FCHSD2: variants seen among roughly 807,000 people sequenced by gnomAD.
FCHSD2 encodes FCH and double SH3 domains 2.
Under a neutral mutation model 108.1 loss-of-function variants are expected in FCHSD2, and 38 were observed. The ratio of observed to expected loss-of-function variants is 0.35; its 90% CI spans 0.27 to 0.46. The LOEUF (loss-of-function observed/expected upper bound fraction) is 0.46. Ranked by LOEUF, FCHSD2 falls within the 20% of genes least tolerant of loss-of-function variation. FCHSD2 has a pLI of 1.00. For missense variants in FCHSD2, 751 were observed against 897.8 expected (o/e 0.84, Z 2.09); for synonymous variants, 279 against 314.7 (o/e 0.89, Z 1.20).
intron 9 of FCHSD2, among the ~76,000 whole-genome samples, chr11:72,904,320 C>T (rs991944263): frequency 6.6e-6 from 1 of 152,190 alleles, no homozygotes; most frequent in African/African-American, 2.4e-5. Context: ...TCTCTAGTTG[C>T]CAAACTTGTC....
In FCHSD2 at chr11:72,839,003, C is replaced by G. The variant is rs145036173; in HGVS notation, c.2140-129G>C. Reference sequence around the variant, plus strand: ...AGGGGTCTCAGAAATGTTGTGAGCACGTGCTTTCAACCTAGTCTTCACTAT... The same window carrying G: ...AGGGGTCTCAGAAATGTTGTGAGCAGGTGCTTTCAACCTAGTCTTCACTAT... On this transcript the variant is annotated intron_variant, in intron 19 of 19. Coordinates refer to ENST00000409418, the MANE Select transcript of FCHSD2 (RefSeq NM_014824.3). 2,323 of 716,894 alleles carry G rather than the reference C, an allele frequency of 3.2e-3. 5 individuals are homozygous for G. Among genetic ancestry groups the G allele is most frequent in the Non-Finnish European group, 4.5e-3 (1,877 of 418,216 alleles). 44.4% of individuals were successfully genotyped at this position (716,894 alleles called of 1,614,324 possible).
chr11:73,010,917 G>A (rs1857848333), intron 4 of FCHSD2, among the ~76,000 whole-genome samples: 1 of 152,190 alleles, frequency 6.6e-6, no homozygotes, highest in African/African-American at 2.4e-5. Flanking sequence ...AAACAGCAGT[G>A]GCAGTGATGG....
chr11:72,993,452 A>G (rs1159910358), intron 5 of FCHSD2, among the ~76,000 whole-genome samples: 2 of 152,226 alleles, frequency 1.3e-5, no homozygotes, highest in Non-Finnish European at 2.9e-5. Flanking sequence ...ATAGAGACAC[A>G]TGCACACATA....
chr11:72,855,071 C>G (rs910631342), intron 13 of FCHSD2, among the ~76,000 whole-genome samples: 3 of 152,146 alleles, frequency 2.0e-5, no homozygotes, highest in Non-Finnish European at 4.4e-5. Context: ...GTCGGGAGTT[C>G]GAAACCAGTC....
At chr11:72,843,045 G>T in intron 16 of FCHSD2, 106 bp downstream of exon 16, 1 of 1,116,040 alleles carries the variant, frequency 9.0e-7, no homozygotes, top group East Asian at 2.5e-5. Context: ...GCATATTATA[G>T]GACAGGAGGA....
At chr11:73,140,906 C>T (rs1861230622) in intron 1 of FCHSD2, among the ~76,000 whole-genome samples, 1 of 152,140 alleles carries the variant, frequency 6.6e-6, no homozygotes, top group African/African-American at 2.4e-5. Flanking sequence ...GGTGGGGGTA[C>T]ATGTTCGAAA....
intron 3 of FCHSD2, among the ~76,000 whole-genome samples, chr11:73,020,952 G>A (rs1858086894): frequency 6.6e-6 from 1 of 152,084 alleles, no homozygotes; most frequent in African/African-American, 2.4e-5. Flanking sequence ...ATAGCTCACT[G>A]AAGTCTTGAA....
chr11:73,003,328 T>C (rs1310512912), intron 4 of FCHSD2, among the ~76,000 whole-genome samples: 8 of 152,292 alleles, frequency 5.3e-5, no homozygotes, highest in Non-Finnish European at 7.4e-5. Context: ...GCAAATGATA[T>C]GAAAATTCAT....
At chr11:72,884,937 T>C (rs1456535007) in intron 12 of FCHSD2, among the ~76,000 whole-genome samples, 2 of 152,134 alleles carry the variant, frequency 1.3e-5, no homozygotes, top group Non-Finnish European at 2.9e-5. Context: ...TGTCATTAAC[T>C]TTGCAATAAT....
chr11:73,052,552 GTTAC>G lies in FCHSD2; in HGVS notation c.165+31139_165+31142del, dbSNP rs1284793266. 2.0e-5 allele frequency among the ~76,000 whole-genome samples: 3 copies of G among 152,118 alleles called. No homozygotes were observed. The East Asian group carries it at 5.8e-4, about 29-fold the overall frequency. ...ATATGAAAACTAATTGTACACTACT[GTTAC>G]TACATACTGAAGTTCCATGGTTGTC... On this transcript the variant is annotated intron_variant, in intron 3 of 19. Coordinates refer to ENST00000409418, the MANE Select transcript of FCHSD2 (RefSeq NM_014824.3).
chr11:73,045,466 C>T (rs1238432114), intron 3 of FCHSD2, among the ~76,000 whole-genome samples: 1 of 152,008 alleles, frequency 6.6e-6, no homozygotes, highest in Non-Finnish European at 1.5e-5. Context: ...GACACATGCA[C>T]ACGTATGTTT....
At chr11:73,111,641 T>C (rs187460323) in intron 2 of FCHSD2, among the ~76,000 whole-genome samples, 14 of 152,278 alleles carry the variant, frequency 9.2e-5, no homozygotes, top group African/African-American at 3.1e-4. Flanking sequence ...TGTTATTTTA[T>C]TTTTGGGTGT....
chr11:72,985,052 GA>G lies in FCHSD2; in HGVS notation c.576+9del. The G allele has an allele frequency of 8.5e-7, 1 of 1,174,434 alleles. No individual in the cohort carries two copies. Among genetic ancestry groups the G allele is most frequent in the African/African-American group, 1.5e-5 (1 of 65,960 alleles). The allele number at this position is 1,174,434 out of a possible 1,614,324, so 72.8% of individuals were successfully genotyped here. A position where few individuals can be genotyped will look rare whatever the true frequency, so the allele number is the denominator to read the frequency against. ...TTCTCAGTTGTGAAATACACTTATT[GA>G]AAACTTACCTTTACACTTGCCTTCT... On this transcript the variant is annotated intron_variant, in intron 7 of 19. Coordinates refer to ENST00000409418, the MANE Select transcript of FCHSD2 (RefSeq NM_014824.3).
Position 72,994,777 on chromosome 11 carries a change from CA to C in FCHSD2, c.388-5681del, listed in dbSNP as rs904006759. Reference sequence around the variant, plus strand: ...CGAGACTCCATCTCAAAAAACAAAACAAAAAAAAGATATAGTGCAAACTGTA... The same window carrying C: ...CGAGACTCCATCTCAAAAAACAAAACAAAAAAAGATATAGTGCAAACTGTA... On this transcript the variant is annotated intron_variant, in intron 5 of 19. Coordinates refer to ENST00000409418, the MANE Select transcript of FCHSD2 (RefSeq NM_014824.3). 2.0e-5 allele frequency among the ~76,000 whole-genome samples: 3 copies of C among 151,272 alleles called. No homozygotes were observed. In the South Asian group the frequency reaches 6.2e-4, roughly 32 times the overall value.
chr11:72,973,903 T>A (rs777015981), intron 8 of FCHSD2, among the ~76,000 whole-genome samples: 5 of 152,214 alleles, frequency 3.3e-5, no homozygotes, highest in Non-Finnish European at 7.3e-5. Context: ...GAAGCCTATT[T>A]ATTATCTGTC....
intron 2 of FCHSD2, among the ~76,000 whole-genome samples, chr11:73,117,986 C>T (rs1285233134): frequency 6.6e-6 from 1 of 152,190 alleles, no homozygotes; most frequent in Admixed American, 6.5e-5. Context: ...TGAGTTTTGA[C>T]AAATGTACAT....
At chr11:72,844,033 C>T (rs1861049568) in intron 14 of FCHSD2, among the ~76,000 whole-genome samples, 1 of 151,886 alleles carries the variant, frequency 6.6e-6, no homozygotes, top group African/African-American at 2.4e-5. Flanking sequence ...AAAAAGAGAG[C>T]ACTTCCTGGA....
chr11:72,984,272 C>A, intron 7 of FCHSD2, 56 bp from the exon 8 acceptor site: 1 of 1,543,020 alleles, frequency 6.5e-7, no homozygotes, highest in Non-Finnish European at 8.9e-7. Flanking sequence ...CTGCAAAACA[C>A]ATAGGAATCC....
intron 3 of FCHSD2, among the ~76,000 whole-genome samples, chr11:73,051,702 G>A (rs1179478071): frequency 6.6e-6 from 1 of 151,994 alleles, no homozygotes; most frequent in Non-Finnish European, 1.5e-5. Flanking sequence ...AACCTAAGTA[G>A]TATTTATGCA....
Sources: allele counts gnomAD v4.1 joint callset (sites outside exome capture counted in the v4.1 genomes callset), GRCh38; gene constraint gnomAD v4.1.1; transcripts MANE v1.5; gene names NCBI Gene and HGNC (gene_info 2026-07-23, HGNC 2026-07-21).